The following ARID5B variants were observed in gnomAD, a reference collection of about 807,000 sequenced individuals.
ARID5B encodes AT-rich interactive domain-containing protein 5B.
A neutral mutation model predicts 97.2 loss-of-function variants in ARID5B; 13 were observed. The ratio of observed to expected loss-of-function variants is 0.13; its 90% CI spans 0.09 to 0.21. The LOEUF is 0.21. ARID5B is among the 10% of genes least tolerant of loss of function. The probability of loss-of-function intolerance (pLI) is 1.00; values close to 1 mark genes in which losing one functional copy is unlikely to be tolerated. For synonymous variants in ARID5B, 556 were observed against 570.3 expected (o/e 0.97, Z 0.36); for missense variants, 1,210 against 1,465.3 (o/e 0.83, Z 2.84).
intron 9 of ARID5B, among the ~76,000 whole-genome samples, chr10:62,089,580 T>A (rs557149756): frequency 6.7e-6 from 1 of 148,866 alleles, no homozygotes; most frequent in South Asian, 2.1e-4. Context: ...CAAGCTATAG[T>A]GCAATGGCAT....
intron 4 of ARID5B, among the ~76,000 whole-genome samples, chr10:62,016,757 G>C (rs1401511941): frequency 6.6e-6 from 1 of 152,170 alleles, no homozygotes; most frequent in African/African-American, 2.4e-5. Flanking sequence ...ATTGTCCTCT[G>C]ATACTATTTT....
intron 3 of ARID5B, among the ~76,000 whole-genome samples, chr10:61,983,672 T>A (rs1838807120): frequency 6.6e-6 from 1 of 151,994 alleles, no homozygotes; most frequent in South Asian, 2.1e-4. Flanking sequence ...TATCGTTCAT[T>A]ATTGAGAGAG....
chr10:62,046,737 G>C (rs1839712913), intron 4 of ARID5B: 1 of 152,024 alleles, frequency 6.6e-6, no homozygotes, highest in Non-Finnish European at 1.5e-5. Flanking sequence ...AAGAGTCAGT[G>C]GCCCACTGGT....
rs1419787564 is a variant in ARID5B, at chr10:61,940,077, G to A, written c.277-106G>A. On this transcript the variant is annotated intron_variant, in intron 2 of 9. Coordinates refer to ENST00000279873, the MANE Select transcript of ARID5B (RefSeq NM_032199.3). ...GAATGCACACAGTCTCCTTGCATTA[G>A]GTTAAACCACTCACATGGCATTTCA... is the stretch of plus-strand genomic sequence containing the variant. 4 of 989,970 alleles carry A rather than the reference G, an allele frequency of 4.0e-6. No individual in the cohort carries two copies. In the East Asian group the frequency reaches 9.9e-5, roughly 25 times the overall value. The allele number at this position is 989,970 out of a possible 1,614,324, so 61.3% of individuals were successfully genotyped here. A position where few individuals can be genotyped will look rare whatever the true frequency, so the allele number is the denominator to read the frequency against.
chr10:61,967,030 T>G (rs747146880), intron 3 of ARID5B, among the ~76,000 whole-genome samples: 1 of 152,166 alleles, frequency 6.6e-6, no homozygotes, highest in African/African-American at 2.4e-5. Flanking sequence ...GGGCCTTTTT[T>G]TCCCCCAGAA....
At chr10:61,930,874 G>A (rs969242508) in intron 2 of ARID5B, among the ~76,000 whole-genome samples, 13 of 151,974 alleles carry the variant, frequency 8.6e-5, no homozygotes, top group Non-Finnish European at 1.3e-4. Context: ...CACCACAAAC[G>A]CTGGTACATT....
intron 3 of ARID5B, among the ~76,000 whole-genome samples, chr10:61,977,234 C>A (rs1021344832): frequency 6.6e-6 from 1 of 152,340 alleles, no homozygotes; most frequent in Admixed American, 6.5e-5. Flanking sequence ...ATATGTGCCA[C>A]CTTTTCTTTA....
intron 4 of ARID5B, among the ~76,000 whole-genome samples, chr10:62,027,920 G>T (rs1839443037): frequency 6.6e-6 from 1 of 152,092 alleles, no homozygotes; most frequent in African/African-American, 2.4e-5. Context: ...AGCTCACCTT[G>T]CTGCATCTCT....
intron 4 of ARID5B, among the ~76,000 whole-genome samples, chr10:62,027,336 T>G: frequency 7.6e-6 from 1 of 132,310 alleles, no homozygotes. Context: ...TGAGACTGAG[T>G]CTTGCTCTGT....
chr10:61,966,889 A>T (rs912258139), intron 3 of ARID5B, among the ~76,000 whole-genome samples: 1 of 152,144 alleles, frequency 6.6e-6, no homozygotes, highest in Non-Finnish European at 1.5e-5. Flanking sequence ...CCAATGTGGC[A>T]TATTATAAGA....
intron 8 of ARID5B, among the ~76,000 whole-genome samples, chr10:62,070,290 T>C (rs1432195265): frequency 6.6e-6 from 1 of 152,236 alleles, no homozygotes; most frequent in African/African-American, 2.4e-5. Flanking sequence ...CCAAGCTCTG[T>C]GTGGCTTGGT....
chr10:61,970,932 T>C (rs1030208041), intron 3 of ARID5B, among the ~76,000 whole-genome samples: 2 of 151,774 alleles, frequency 1.3e-5, no homozygotes, highest in Admixed American at 6.6e-5. Context: ...TTTCTGTAAG[T>C]AGATTGAGAA....
At chr10:61,957,701 T>A (rs1424311844) in intron 3 of ARID5B, among the ~76,000 whole-genome samples, 1 of 152,356 alleles carries the variant, frequency 6.6e-6, no homozygotes, top group East Asian at 1.9e-4. Flanking sequence ...ATAGATGGCA[T>A]GTTGAAATAA....
intron 8 of ARID5B, 43 bp from the exon 9 acceptor site, chr10:62,085,659 G>A: frequency 6.6e-7 from 1 of 1,512,450 alleles, no homozygotes; most frequent in Non-Finnish European, 9.0e-7. Context: ...GATGCTACTG[G>A]AATTACTCAA....
intron 8 of ARID5B, among the ~76,000 whole-genome samples, chr10:62,078,109 A>G (rs895066872): frequency 2.6e-5 from 4 of 152,352 alleles, no homozygotes; most frequent in Non-Finnish European, 4.4e-5. Flanking sequence ...TCTAACATGC[A>G]TGGGGCTTAA....
Position 62,075,938 on chromosome 10 carries a change from G to A in ARID5B, c.1199+6141G>A, listed in dbSNP as rs1290683142. 2.0e-5 allele frequency among the ~76,000 whole-genome samples: 3 copies of A among 152,294 alleles called. No individual in the cohort carries two copies. In the East Asian group the frequency reaches 5.8e-4, roughly 29 times the overall value. On this transcript the variant is annotated intron_variant, in intron 8 of 9. Transcript: ENST00000279873. ...TACTGCTGCCCTCAAAACCCAATCG[G>A]TGTTTTTTGGACATCTGCCATGTGC...
intron 7 of ARID5B, among the ~76,000 whole-genome samples, chr10:62,065,429 G>T (rs1182649709): frequency 6.6e-6 from 1 of 152,128 alleles, no homozygotes; most frequent in Non-Finnish European, 1.5e-5. Context: ...CAGGCATAGT[G>T]CCCGAAAATG....
At chr10:61,963,693 G>C (rs994595913) in intron 3 of ARID5B, among the ~76,000 whole-genome samples, 1 of 151,954 alleles carries the variant, frequency 6.6e-6, no homozygotes, top group South Asian at 2.1e-4. Context: ...GGTGTTAGTG[G>C]GAGGTTGAGA....
chr10:62,008,167 A>C (rs1285930424), intron 4 of ARID5B, among the ~76,000 whole-genome samples: 1 of 151,926 alleles, frequency 6.6e-6, no homozygotes, highest in African/African-American at 2.4e-5. Context: ...GTGTGCAGGC[A>C]ACAGAGCAGT....
Sources: gnomAD v4.1 joint callset for allele counts (sites outside exome capture counted in the v4.1 genomes callset) on GRCh38, gnomAD v4.1.1 for gene constraint, MANE v1.5 for transcripts, NCBI Gene and HGNC (gene_info 2026-07-23, HGNC 2026-07-21) for gene names.